Variants in NKAIN2 observed in about 807,000 individuals in gnomAD.
NKAIN2 encodes the protein sodium/potassium-transporting ATPase subunit beta-1-interacting protein 2.
Under a neutral mutation model 32.6 loss-of-function variants are expected in NKAIN2, and 14 were observed. That is an observed-to-expected ratio of 0.43 (90% CI 0.28 to 0.67). The LOEUF is 0.67. Ranked by LOEUF, NKAIN2 falls within the 30% of genes least tolerant of loss-of-function variation. The pLI is 0.17. For synonymous variants in NKAIN2, 80 were observed against 87.2 expected (o/e 0.92, Z 0.46); for missense variants, 198 against 258.3 (o/e 0.77, Z 1.60).
At chr6:124,378,704 G>A (rs1800094831) in intron 3 of NKAIN2, among the ~76,000 whole-genome samples, 1 of 152,038 alleles carries the variant, frequency 6.6e-6, no homozygotes, top group Admixed American at 6.5e-5. Flanking sequence ...ACCAGCACTG[G>A]CATCTTCCTG....
At position 124,391,924 on chromosome 6, in the gene NKAIN2, G is replaced by T. The variant is rs73580809; in HGVS notation, c.273+36577G>T. On this transcript the variant is annotated intron_variant, in intron 3 of 6. Transcript: ENST00000368417. ...CTCTGCTGAGCAACTCAGCACTTCT[G>T]GTTGTTTGTATGAAACTGGAATCTC... is the stretch of plus-strand genomic sequence containing the variant. Among the ~76,000 whole-genome samples, 141 of 152,064 alleles carry T rather than the reference G, an allele frequency of 9.3e-4. 1 individual carries two copies. The highest frequency in any genetic ancestry group is 3.3e-3 in the African/African-American group (135 of 41,480).
chr6:123,903,960 G>T (rs961388726), intron 1 of NKAIN2, among the ~76,000 whole-genome samples: 4 of 151,594 alleles, frequency 2.6e-5, no homozygotes, highest in Non-Finnish European at 2.9e-5. Context: ...GGGCGTGGTG[G>T]CTCACGCCTG....
chr6:124,573,327 G>A (rs1781202153), intron 3 of NKAIN2, among the ~76,000 whole-genome samples: 1 of 152,166 alleles, frequency 6.6e-6, no homozygotes, highest in Admixed American at 6.5e-5. Context: ...GGAACCGAGA[G>A]CTAGAAGACC....
intron 1 of NKAIN2, among the ~76,000 whole-genome samples, chr6:123,851,740 C>T (rs755167988): frequency 3.1e-4 from 47 of 152,110 alleles, no homozygotes; most frequent in South Asian, 8.3e-4. Flanking sequence ...GCCATTTGTA[C>T]GTCATCTTTT....
chr6:124,561,155 G>A (rs1253397502), intron 3 of NKAIN2, among the ~76,000 whole-genome samples: 1 of 152,186 alleles, frequency 6.6e-6, no homozygotes, highest in Non-Finnish European at 1.5e-5. Flanking sequence ...TCCGAAGCAG[G>A]AGAAGTGATG....
chr6:124,603,507 T>C (rs1782383390), intron 3 of NKAIN2, among the ~76,000 whole-genome samples: 1 of 151,950 alleles, frequency 6.6e-6, no homozygotes, highest in Non-Finnish European at 1.5e-5. Context: ...AATTAAGGAA[T>C]TACTTCCTTA....
intron 4 of NKAIN2, among the ~76,000 whole-genome samples, chr6:124,759,644 CACACACACACA>C (rs1176598915): frequency 1.2e-3 from 139 of 112,566 alleles, no homozygotes; most frequent in African/African-American, 2.6e-3. Context: ...CACACACACA[CACACACACACA>C]CCCCCTATCT....
At chr6:123,938,510 A>G (rs1184124601) in intron 1 of NKAIN2, among the ~76,000 whole-genome samples, 1 of 136,512 alleles carries the variant, frequency 7.3e-6, no homozygotes, top group African/African-American at 2.7e-5. Flanking sequence ...TATATAATAT[A>G]TTATATATAT....
intron 3 of NKAIN2, among the ~76,000 whole-genome samples, chr6:124,608,503 T>G (rs748973347): frequency 3.3e-5 from 5 of 152,136 alleles, no homozygotes; most frequent in Non-Finnish European, 5.9e-5. Flanking sequence ...TACATGGTCA[T>G]GAGGTGGGAC....
chr6:124,479,327 TTAA>T (rs1167617001), intron 3 of NKAIN2, among the ~76,000 whole-genome samples: 1 of 152,184 alleles, frequency 6.6e-6, no homozygotes, highest in Non-Finnish European at 1.5e-5. Context: ...ATGTGAGATG[TTAA>T]TAATAGAAGA....
chr6:123,838,206 A>G (rs1774711315), intron 1 of NKAIN2, among the ~76,000 whole-genome samples: 1 of 152,216 alleles, frequency 6.6e-6, no homozygotes, highest in South Asian at 2.1e-4. Context: ...CTGAAATAAG[A>G]CAAATACGAT....
At chr6:124,242,201 G>GA (rs1793141329) in intron 1 of NKAIN2, among the ~76,000 whole-genome samples, 1 of 151,954 alleles carries the variant, frequency 6.6e-6, no homozygotes, top group Non-Finnish European at 1.5e-5. Flanking sequence ...AAATTTACAA[G>GA]AAAAAAACAG....
At chr6:124,175,423 C>T (rs556357886) in intron 1 of NKAIN2, among the ~76,000 whole-genome samples, 10 of 152,224 alleles carry the variant, frequency 6.6e-5, no homozygotes, top group Non-Finnish European at 1.3e-4. Flanking sequence ...CTTCACTTGG[C>T]GTAAATTTAA....
chr6:124,140,565 G>T (rs1245646312), intron 1 of NKAIN2, among the ~76,000 whole-genome samples: 1 of 152,076 alleles, frequency 6.6e-6, no homozygotes, highest in Non-Finnish European at 1.5e-5. Flanking sequence ...CAGAACATTT[G>T]AGAATGACTG....
At chr6:124,685,903 AAAG>A (rs1255489007) in intron 4 of NKAIN2, among the ~76,000 whole-genome samples, 1 of 152,192 alleles carries the variant, frequency 6.6e-6, no homozygotes, top group Admixed American at 6.6e-5. Context: ...TTTCTATGGA[AAAG>A]AATTTCAAGC....
At chr6:124,815,624 GTTC>G (rs1781131011) in intron 5 of NKAIN2, among the ~76,000 whole-genome samples, 1 of 152,026 alleles carries the variant, frequency 6.6e-6, no homozygotes, top group South Asian at 2.1e-4. Flanking sequence ...TTATTACACA[GTTC>G]TTCTGGTACT....
chr6:124,266,227 G>A (rs1011663356), intron 1 of NKAIN2, among the ~76,000 whole-genome samples: 12 of 152,096 alleles, frequency 7.9e-5, no homozygotes, highest in African/African-American at 2.9e-4. Flanking sequence ...AATTTTTGGA[G>A]TATAATTTAT....
chr6:124,608,429 G>C (rs2114992959), intron 3 of NKAIN2, among the ~76,000 whole-genome samples: 1 of 152,134 alleles, frequency 6.6e-6, no homozygotes, highest in East Asian at 1.9e-4. Flanking sequence ...AGGGAGGGAG[G>C]TATAACTATC....
intron 5 of NKAIN2, among the ~76,000 whole-genome samples, chr6:124,810,425 T>C (rs889145366): frequency 3.3e-5 from 5 of 151,978 alleles, no homozygotes; most frequent in Admixed American, 6.6e-5. Flanking sequence ...TAGGTGGGAA[T>C]TGAACAATGA....
Sources: gnomAD v4.1 joint callset for allele counts (sites outside exome capture counted in the v4.1 genomes callset) on GRCh38, gnomAD v4.1.1 for gene constraint, MANE v1.5 for transcripts, NCBI Gene and HGNC (gene_info 2026-07-23, HGNC 2026-07-21) for gene names.